Variants in IMMP2L observed in about 807,000 individuals in gnomAD.
IMMP2L encodes inner mitochondrial membrane peptidase subunit 2.
In IMMP2L, 18 loss-of-function variants were observed where a neutral mutation model predicts 19.3. That is an observed-to-expected ratio of 0.93 (90% CI 0.64 to 1.38). The LOEUF is 1.38. IMMP2L is among the 40% of genes most tolerant of loss of function. The pLI, the probability that IMMP2L is intolerant of heterozygous loss-of-function variation, is 0.00. For missense variants in IMMP2L, 233 were observed against 218.2 expected (o/e 1.07, Z -0.43); for synonymous variants, 76 against 73.0 (o/e 1.04, Z -0.21).
At chr7:111,073,815 T>C (rs1435256083) in intron 3 of IMMP2L, among the ~76,000 whole-genome samples, 1 of 152,232 alleles carries the variant, frequency 6.6e-6, no homozygotes, top group Admixed American at 6.5e-5. Flanking sequence ...ATACTACTTA[T>C]TTCTAATGGT....
intron 5 of IMMP2L, among the ~76,000 whole-genome samples, chr7:110,833,798 G>A (rs903297900): frequency 4.6e-5 from 7 of 152,102 alleles, no homozygotes; most frequent in Non-Finnish European, 4.4e-5. Context: ...TTTAGTCAGT[G>A]AAAAAGATTT....
intron 3 of IMMP2L, chr7:111,122,705 A>T (rs1800796277): frequency 8.1e-7 from 1 of 1,228,810 alleles, no homozygotes; most frequent in Admixed American, 2.2e-5. Flanking sequence ...ATCAGCTCCT[A>T]TTGAACTTAC....
intron 3 of IMMP2L, among the ~76,000 whole-genome samples, chr7:111,039,661 C>A (rs1422596427): frequency 6.6e-6 from 1 of 152,090 alleles, no homozygotes. Context: ...TTTTTAAAAA[C>A]CATCACAACA....
At chr7:111,395,067 C>A in intron 3 of IMMP2L, 1 of 200,744 alleles carries the variant, frequency 5.0e-6, no homozygotes. Flanking sequence ...TGTCTTGTAC[C>A]ATTCATGTGA....
At chr7:110,838,380 A>G (rs1225203268) in intron 5 of IMMP2L, among the ~76,000 whole-genome samples, 1 of 152,094 alleles carries the variant, frequency 6.6e-6, no homozygotes, top group Non-Finnish European at 1.5e-5. Flanking sequence ...TTTGGGGTCT[A>G]CAGTTTTATA....
chr7:111,208,683 A>C (rs1231318610), intron 3 of IMMP2L, among the ~76,000 whole-genome samples: 1 of 152,214 alleles, frequency 6.6e-6, no homozygotes, highest in Non-Finnish European at 1.5e-5. Flanking sequence ...GGTAGTTTAG[A>C]GTACACACGG....
At chr7:111,382,694 C>T (rs1446860167) in intron 3 of IMMP2L, among the ~76,000 whole-genome samples, 1 of 151,940 alleles carries the variant, frequency 6.6e-6, no homozygotes, top group East Asian at 1.9e-4. Context: ...GAGCAAGAGC[C>T]TGAGGAACTG....
chr7:111,556,014 G>GTGTA lies in IMMP2L; in HGVS notation c.-3+5836_-3+5837insTACA. ...CCAATTAGCCATCCCTCTTCTGTGTGCATGTATATATATATATATATACAT... is the reference window on the plus strand; with the variant it reads ...CCAATTAGCCATCCCTCTTCTGTGTGTGTACATGTATATATATATATATATACAT... On this transcript the variant is annotated intron_variant, in intron 1 of 5. Coordinates refer to ENST00000405709, the MANE Select transcript of IMMP2L (RefSeq NM_032549.4). Among the ~76,000 whole-genome samples, 13 of 114,600 alleles carry GTGTA rather than the reference G, an allele frequency of 1.1e-4. 1 individual carries two copies. In the East Asian group the frequency reaches 1.7e-3, roughly 15 times the overall value. The allele number at this position is 114,600 out of a possible 152,430, so 75.2% of individuals were successfully genotyped here.
intron 3 of IMMP2L, among the ~76,000 whole-genome samples, chr7:111,408,440 T>A (rs1834084228): frequency 1.3e-5 from 2 of 151,678 alleles, no homozygotes; most frequent in South Asian, 4.1e-4. Flanking sequence ...AATACAACTT[T>A]ATTCTGCAAC....
chr7:111,324,926 A>T (rs1825153750), intron 3 of IMMP2L, among the ~76,000 whole-genome samples: 1 of 151,848 alleles, frequency 6.6e-6, no homozygotes, highest in African/African-American at 2.4e-5. Context: ...ATCAAATATG[A>T]CTAAGATAAG....
At chr7:111,163,059 T>A (rs1416540023) in intron 3 of IMMP2L, among the ~76,000 whole-genome samples, 1 of 152,038 alleles carries the variant, frequency 6.6e-6, no homozygotes, top group African/African-American at 2.4e-5. Context: ...CAATTATAAA[T>A]GCTTTTTTGC....
intron 5 of IMMP2L, among the ~76,000 whole-genome samples, chr7:110,735,688 ACACACAC>A: frequency 1.3e-5 from 1 of 78,862 alleles, no homozygotes; most frequent in Non-Finnish European, 3.3e-5. Context: ...AAATACACAC[ACACACAC>A]ACACACACAC....
intron 2 of IMMP2L, among the ~76,000 whole-genome samples, chr7:111,520,255 G>A (rs1264046079): frequency 6.6e-6 from 1 of 152,074 alleles, no homozygotes; most frequent in African/African-American, 2.4e-5. Flanking sequence ...CCACTATGGA[G>A]AGAACCTGAA....
At chr7:111,090,545 A>G (rs1796750130) in intron 3 of IMMP2L, among the ~76,000 whole-genome samples, 1 of 152,060 alleles carries the variant, frequency 6.6e-6, no homozygotes, top group Non-Finnish European at 1.5e-5. Flanking sequence ...GTTGTGAATT[A>G]CAGAGAGGCA....
chr7:111,261,195 T>A (rs1466235208), intron 3 of IMMP2L, among the ~76,000 whole-genome samples: 1 of 152,124 alleles, frequency 6.6e-6, no homozygotes, highest in Non-Finnish European at 1.5e-5. Flanking sequence ...AGGATAAAGA[T>A]GAACAAGTCT....
At chr7:110,781,261 C>G (rs1264086352) in intron 5 of IMMP2L, among the ~76,000 whole-genome samples, 1 of 151,768 alleles carries the variant, frequency 6.6e-6, no homozygotes, top group African/African-American at 2.4e-5. Context: ...TCCTATTTTT[C>G]CTCCAGTAAT....
At chr7:111,179,275 G>A (rs1013462786) in intron 3 of IMMP2L, among the ~76,000 whole-genome samples, 2 of 152,062 alleles carry the variant, frequency 1.3e-5, no homozygotes, top group South Asian at 4.1e-4. Flanking sequence ...TATAAACCAA[G>A]CTTGTTCAAC....
intron 3 of IMMP2L, among the ~76,000 whole-genome samples, chr7:111,111,410 C>CCA (rs1554519161): frequency 1.3e-5 from 2 of 148,506 alleles, no homozygotes; most frequent in African/African-American, 2.5e-5. Flanking sequence ...CATCCCCCCC[C>CCA]AAAAAAAAAT....
intron 3 of IMMP2L, among the ~76,000 whole-genome samples, chr7:111,078,921 G>C (rs1795643206): frequency 6.6e-6 from 1 of 151,804 alleles, no homozygotes; most frequent in Non-Finnish European, 1.5e-5. Flanking sequence ...GTAGAGACGG[G>C]GTTTCACCAT....
Sources: allele counts gnomAD v4.1 joint callset (sites outside exome capture counted in the v4.1 genomes callset), GRCh38; gene constraint gnomAD v4.1.1; transcripts MANE v1.5; gene names NCBI Gene and HGNC (gene_info 2026-07-23, HGNC 2026-07-21).